CECR2: variants seen among roughly 807,000 people sequenced by gnomAD.
CECR2 encodes the protein chromatin remodeling regulator CECR2.
CECR2 carries 30 observed loss-of-function variants against 154.5 expected under a neutral mutation model. The observed-to-expected ratio is 0.19, with a 90% CI of 0.15 to 0.26. The LOEUF (loss-of-function observed/expected upper bound fraction) is 0.26, where lower values mean the gene tolerates loss of function less well. Among genes scored for constraint, CECR2 ranks in the 10% least tolerant of loss-of-function variants. The pLI is 1.00. For synonymous variants in CECR2, 725 were observed against 683.7 expected, an observed-to-expected ratio of 1.06 and a Z score of -0.94; for missense variants, 1,743 against 1,829.3, an observed-to-expected ratio of 0.95 and a Z score of 0.86.
intron 1 of CECR2, among the ~76,000 whole-genome samples, chr22:17,384,013 G>A (rs1031595407): frequency 7.2e-5 from 11 of 151,884 alleles, no homozygotes; most frequent in African/African-American, 1.5e-4. Context: ...TGTATCTATC[G>A]CATCTGTATT....
At position 17,542,830 on chromosome 22, in the gene CECR2, G is replaced by A; in HGVS notation, c.2687G>A (p.Cys896Tyr). The A allele has an allele frequency of 6.2e-7, 1 of 1,613,728 alleles. No homozygotes were observed. The highest frequency in any genetic ancestry group is 8.5e-7 in the Non-Finnish European group (1 of 1,179,784). The part of the protein sequence containing the change: ...IAMQQLSSRV[C>Y]PPGVPYHPHQ... The stretch of plus-strand genomic sequence containing the variant: ...ATGCAGCAGCTCTCCTCCCGCGTCT[G>A]CCCCCCAGGTGTGCCTTACCACCCC... Residue 896 changes from cysteine (C) to tyrosine (Y), a missense_variant, in exon 16 of 19, where the codon TGC (cysteine) becomes TAC (tyrosine). Physicochemically the swap from Cys to Tyr is radical, Grantham distance 194 (BLOSUM62 -2). This residue lies in a region of CECR2 where 1,250 missense variants were observed against 1,192.1 expected (regional missense o/e 1.05). Coordinates refer to ENST00000262608, the MANE Select transcript of CECR2 (RefSeq NM_001290047.2).
Position 17,381,821 on chromosome 22 carries a change from A to T in CECR2, c.126+11912A>T, listed in dbSNP as rs1246711438. 3.9e-5 allele frequency among the ~76,000 whole-genome samples: 6 copies of T among 152,320 alleles called. No homozygotes were observed. The East Asian group carries it at 1.2e-3, about 29-fold the overall frequency. On this transcript the variant is annotated intron_variant, in intron 1 of 18. Coordinates refer to ENST00000262608, the MANE Select transcript of CECR2 (RefSeq NM_001290047.2). ...GAGTGAAACGCTTCCTGGAGGAAGC[A>T]TCATGCTTCTGGGGGTCATGCTGAG...
In CECR2 at chr22:17,369,925, G is replaced by A. The variant is rs2146431846; in HGVS notation, c.126+16G>A. On this transcript the variant is annotated intron_variant, in intron 1 of 18. Transcript: ENST00000262608. ...CGAGATCGAGGTGAGTGGCCGCGCGGGCGGGAGGCGGCGCGCTGCGCCCCC... is the reference window on the plus strand; with the variant it reads ...CGAGATCGAGGTGAGTGGCCGCGCGAGCGGGAGGCGGCGCGCTGCGCCCCC... The A allele has an allele frequency of 6.6e-6, 1 of 151,342 alleles. No homozygotes were observed. The highest frequency in any genetic ancestry group is 1.5e-5 in the Non-Finnish European group (1 of 67,824). 9.4% of individuals were successfully genotyped at this position (151,342 alleles called of 1,614,324 possible). A position where few individuals can be genotyped will look rare whatever the true frequency, so the allele number is the denominator to read the frequency against.
At chr22:17,451,654 T>A (rs376553164) in intron 1 of CECR2, among the ~76,000 whole-genome samples, 8 of 152,162 alleles carry the variant, frequency 5.3e-5, no homozygotes, top group Non-Finnish European at 1.0e-4. Flanking sequence ...GCCTGGAAAG[T>A]TCTTTCCAGT....
At chr22:17,547,084 C>G (rs2056626326) in intron 16 of CECR2, among the ~76,000 whole-genome samples, 1 of 149,372 alleles carries the variant, frequency 6.7e-6, no homozygotes, top group South Asian at 2.1e-4. Context: ...GATATATACA[C>G]ACACTTACAC....
At chr22:17,468,690 C>A (rs1470475498) in intron 1 of CECR2, among the ~76,000 whole-genome samples, 1 of 152,056 alleles carries the variant, frequency 6.6e-6, no homozygotes, top group Non-Finnish European at 1.5e-5. Flanking sequence ...AAACCAGCAA[C>A]CCCCCGCCCC....
intron 1 of CECR2, among the ~76,000 whole-genome samples, chr22:17,436,743 A>T (rs528232717): frequency 1.1e-4 from 16 of 152,314 alleles, no homozygotes; most frequent in African/African-American, 3.1e-4. Flanking sequence ...CACACTCTAG[A>T]AAAAGGGGCG....
rs2054781485 is a variant in CECR2 at position 17,452,168 on chromosome 22, G to A, written c.127-25420G>A. Reference sequence around the variant, plus strand: ...GCTCACTGCAACCTCCACCTCCTGGGTTCAAGTGATTCTCCTGTCTCAGCC... The same window carrying A: ...GCTCACTGCAACCTCCACCTCCTGGATTCAAGTGATTCTCCTGTCTCAGCC... On this transcript the variant is annotated intron_variant, in intron 1 of 18. Coordinates refer to ENST00000262608, the MANE Select transcript of CECR2 (RefSeq NM_001290047.2). Among the ~76,000 whole-genome samples the A allele has an allele frequency of 2.0e-5, 3 of 152,210 alleles. No individual in the cohort carries two copies. In the South Asian group the frequency reaches 6.2e-4, roughly 32 times the overall value.
intron 2 of CECR2, among the ~76,000 whole-genome samples, chr22:17,484,000 C>A (rs1464657229): frequency 6.6e-6 from 1 of 152,150 alleles, no homozygotes; most frequent in Non-Finnish European, 1.5e-5. Flanking sequence ...CAGTGGCTTA[C>A]AGTATTCAGT....
At chr22:17,366,782 C>T (rs2063004174), upstream of CECR2, among the ~76,000 whole-genome samples, 1 of 152,134 alleles carries the variant, frequency 6.6e-6, no homozygotes, top group African/African-American at 2.4e-5. Context: ...AATGGAAAAG[C>T]TCTGGTTGGA....
At chr22:17,525,285 CCAAAAAAAAAA>C (rs1156521690) in intron 9 of CECR2, among the ~76,000 whole-genome samples, 16 of 32,324 alleles carry the variant, frequency 4.9e-4, no homozygotes, top group African/African-American at 1.1e-3. Context: ...AACTCCATCT[CCAAAAAAAAAA>C]AAAAAAAAAA....
At chr22:17,374,516 G>A (rs2063096227) in intron 1 of CECR2, among the ~76,000 whole-genome samples, 2 of 152,242 alleles carry the variant, frequency 1.3e-5, no homozygotes, top group South Asian at 2.1e-4. Context: ...AGGGCCTATT[G>A]CTCTCATCAC....
Position 17,524,047 on chromosome 22 carries a change from A to G in CECR2, c.955-71A>G, listed in dbSNP as rs114134838. 3.7e-3 allele frequency: 4,560 copies of G among 1,223,512 alleles called. 138 individuals are homozygous for G. In the African/African-American group the frequency reaches 0.062, roughly 17 times the overall value. 75.8% of individuals were successfully genotyped at this position (1,223,512 alleles called of 1,614,324 possible). A position where few individuals can be genotyped will look rare whatever the true frequency, so the allele number is the denominator to read the frequency against. ...TTATTTGTTGAAAATACTGAATTCA[A>G]TGAACTGAGAGCAAAGAGCTTATCT... On this transcript the variant is annotated intron_variant, in intron 8 of 18. Transcript: ENST00000262608.
chr22:17,543,890 C>T (rs2056569835), intron 16 of CECR2, among the ~76,000 whole-genome samples: 1 of 152,128 alleles, frequency 6.6e-6, no homozygotes, highest in Non-Finnish European at 1.5e-5. Context: ...TCAGAACAAG[C>T]CTTCGAGATA....
At chr22:17,495,857 GTC>G (rs1357857740) in intron 2 of CECR2, among the ~76,000 whole-genome samples, 1 of 74,330 alleles carries the variant, frequency 1.3e-5, no homozygotes, top group African/African-American at 5.4e-5. Context: ...GCAAGACTCT[GTC>G]TCAAAAAAAA....
At chr22:17,407,993 T>C (rs2054010860) in intron 1 of CECR2, among the ~76,000 whole-genome samples, 1 of 152,356 alleles carries the variant, frequency 6.6e-6, no homozygotes, top group Non-Finnish European at 1.5e-5. Flanking sequence ...CATCAGTTGT[T>C]GGTGATCCCC....
intron 1 of CECR2, among the ~76,000 whole-genome samples, chr22:17,455,156 G>A (rs2054833691): frequency 6.6e-6 from 1 of 152,258 alleles, no homozygotes; most frequent in African/African-American, 2.4e-5. Context: ...AAATAAGGAA[G>A]AGGAACAGGC....
At chr22:17,504,023 G>A (rs2055787444) in intron 6 of CECR2, among the ~76,000 whole-genome samples, 1 of 141,472 alleles carries the variant, frequency 7.1e-6, no homozygotes, top group Non-Finnish European at 1.5e-5. Flanking sequence ...CTCCGGCCTG[G>A]ACAACAGAGC....
At chr22:17,451,925 G>A (rs551457073) in intron 1 of CECR2, among the ~76,000 whole-genome samples, 6 of 152,254 alleles carry the variant, frequency 3.9e-5, no homozygotes, top group East Asian at 1.9e-4. Flanking sequence ...CAAAACAAAC[G>A]TGAAGGACTT....
Sources: allele counts gnomAD v4.1 joint callset (sites outside exome capture counted in the v4.1 genomes callset), GRCh38; gene constraint gnomAD v4.1.1; regional missense constraint gnomAD v4.1.1; transcripts MANE v1.5; gene names NCBI Gene and HGNC (gene_info 2026-07-23, HGNC 2026-07-21).